Variants in NEK10 observed in about 807,000 individuals in gnomAD.
The protein encoded by NEK10 is NIMA related kinase 10, also known as serine/threonine-protein kinase Nek10.
A neutral mutation model predicts 159.8 loss-of-function variants in NEK10; 122 were observed. That is an observed-to-expected ratio of 0.76 (90% CI 0.66 to 0.89). The LOEUF is 0.89. Ranked by LOEUF, NEK10 falls within the 40% of genes least tolerant of loss-of-function variation. NEK10 has a pLI of 0.00. For synonymous variants in NEK10, 466 were observed against 457.1 expected, an observed-to-expected ratio of 1.02 and a Z score of -0.25; for missense variants, 1,342 against 1,323.1, an observed-to-expected ratio of 1.01 and a Z score of -0.22.
At chr3:27,136,101 CG>C (rs1468961510) in intron 31 of NEK10, among the ~76,000 whole-genome samples, 18,948 of 127,994 alleles carry the variant, frequency 0.15, 1,877 homozygotes, top group African/African-American at 0.18. Flanking sequence ...TCTAGGAGAT[CG>C]ATTTTTTTTT....
chr3:27,142,465 G>C (rs1470070662), intron 30 of NEK10, among the ~76,000 whole-genome samples: 2 of 149,810 alleles, frequency 1.3e-5, no homozygotes, highest in Non-Finnish European at 3.0e-5. Flanking sequence ...CCTTAACCTA[G>C]AGTGTGCTTT....
intron 5 of NEK10, among the ~76,000 whole-genome samples, chr3:27,335,058 G>T (rs573719428): frequency 1.3e-5 from 2 of 152,160 alleles, no homozygotes; most frequent in South Asian, 4.2e-4. Flanking sequence ...AACCAAAGTG[G>T]CTGGGCACGG....
intron 14 of NEK10, among the ~76,000 whole-genome samples, chr3:27,296,160 C>CCTTCCTT (rs2043338946): frequency 6.6e-6 from 1 of 151,442 alleles, no homozygotes; most frequent in Non-Finnish European, 1.5e-5. Flanking sequence ...AAGGAATGAA[C>CCTTCCTT]AAATAATAAT....
rs190668831 is a variant in NEK10 at position 27,284,834 on chromosome 3, G to A, written c.1911+6C>T. ...TAAGAAAAATTTAATGAAGATAAAA[G>A]CATACCTGTATAAATATTTTCCATA... On this transcript the variant is annotated splice_donor_region_variant and intron_variant, in intron 21 of 35. Coordinates refer to ENST00000691995, the MANE Select transcript of NEK10 (RefSeq NM_001394966.1). 2 of 1,579,896 alleles carry A rather than the reference G, an allele frequency of 1.3e-6. No homozygotes were observed. The highest frequency in any genetic ancestry group is 1.7e-6 in the Non-Finnish European group (2 of 1,151,480).
At chr3:27,311,074 C>T (rs1266881444) in intron 8 of NEK10, 58 bp from the exon 9 acceptor site, 2 of 1,062,590 alleles carry the variant, frequency 1.9e-6, no homozygotes, top group Non-Finnish European at 1.5e-6. Flanking sequence ...GGAGTACTTC[C>T]AGGAGCACAG....
rs201428715 is a variant in NEK10 at position 27,291,250 on chromosome 3, G to C, written c.1605+12C>G. 1.2e-6 allele frequency: 2 copies of C among 1,608,748 alleles called. No homozygotes were observed. The highest frequency in any genetic ancestry group is 2.2e-5 in the South Asian group (2 of 89,480). ...TGGGAGTATCAGAAATGTTCCCCAA[G>C]GGGAAAGTCACCTTGTAAACACAGC... On this transcript the variant is annotated intron_variant, in intron 18 of 35. Coordinates refer to ENST00000691995, the MANE Select transcript of NEK10 (RefSeq NM_001394966.1).
intron 25 of NEK10, among the ~76,000 whole-genome samples, chr3:27,200,140 G>A (rs1415685902): frequency 6.6e-6 from 1 of 151,948 alleles, no homozygotes; most frequent in African/African-American, 2.4e-5. Context: ...AAAAAAATAA[G>A]ACTGTAGATT....
chr3:27,245,181 G>A (rs1232317918), intron 23 of NEK10, among the ~76,000 whole-genome samples: 1 of 152,150 alleles, frequency 6.6e-6, no homozygotes, highest in Non-Finnish European at 1.5e-5. Context: ...CGTGCCAACC[G>A]TTAGTGTTTA....
rs2149940335 is a variant in NEK10 at position 27,369,374 on chromosome 3, C to T, written c.-187G>A. The T allele has an allele frequency of 6.5e-6, 1 of 152,858 alleles. No individual in the cohort carries two copies. Among genetic ancestry groups the T allele is most frequent in the South Asian group, 2.1e-4 (1 of 4,828 alleles). The allele number at this position is 152,858 out of a possible 1,614,324, so 9.5% of individuals were successfully genotyped here. On this transcript the variant is annotated 5_prime_UTR_variant, in exon 1 of 36. Coordinates refer to ENST00000691995, the MANE Select transcript of NEK10 (RefSeq NM_001394966.1). The surrounding 1 kb of genome is among the most constrained non-coding windows in gnomAD (Gnocchi z 4.2). ...TTCCCGGTCCCCTCAACCTCAGGGA[C>T]ACCGCGGCCAGCTGCACCGTTGGTT...
intron 23 of NEK10, among the ~76,000 whole-genome samples, chr3:27,210,786 G>A (rs1202337484): frequency 2.0e-5 from 3 of 152,178 alleles, no homozygotes; most frequent in Non-Finnish European, 2.9e-5. Context: ...GGGTGAGGAA[G>A]GAGGAAGTTA....
At chr3:27,367,413 A>T (rs1207836809) in intron 1 of NEK10, 3 of 152,216 alleles carry the variant, frequency 2.0e-5, no homozygotes, top group African/African-American at 7.2e-5. Context: ...CTACCGTGAT[A>T]ATGATTATGG....
chr3:27,305,528 A>G (rs2044172269), intron 11 of NEK10, among the ~76,000 whole-genome samples: 1 of 152,062 alleles, frequency 6.6e-6, no homozygotes, highest in Non-Finnish European at 1.5e-5. Flanking sequence ...TCTGTTTAAA[A>G]AACAAAAACA....
intron 5 of NEK10, among the ~76,000 whole-genome samples, chr3:27,343,774 A>G (rs1323507981): frequency 1.3e-5 from 2 of 152,310 alleles, no homozygotes; most frequent in Middle Eastern, 3.4e-3. Flanking sequence ...TACAGTCCCA[A>G]CACTGCACCT....
At position 27,304,787 on chromosome 3, in the gene NEK10, T is replaced by G; in HGVS notation, c.988A>C (p.Ile330Leu). The change falls in exon 12 of 36, where the codon ATT (isoleucine) becomes CTT (leucine). Residue 330 changes from isoleucine (I) to leucine (L), a missense_variant. Coordinates refer to ENST00000691995, the MANE Select transcript of NEK10 (RefSeq NM_001394966.1). ...AGAAGCTGTTTGATGCCTCCCCAAA[T>G]GCGAATTTCCACGCTGGTCTCAGGG... ...EDPETSVEIR[I>L]WGGIKQLLHI... 6.2e-7 allele frequency: 1 copy of G among 1,613,822 alleles called. No individual in the cohort carries two copies. Among genetic ancestry groups the G allele is most frequent in the South Asian group, 1.1e-5 (1 of 91,076 alleles).
intron 24 of NEK10, 41 bp downstream of exon 24, chr3:27,202,387 T>G: frequency 6.4e-7 from 1 of 1,552,292 alleles, no homozygotes; most frequent in East Asian, 2.3e-5. Flanking sequence ...GAATTGCATT[T>G]TTAGCTACAC....
At chr3:27,210,790 G>T (rs553419109) in intron 23 of NEK10, among the ~76,000 whole-genome samples, 1 of 152,266 alleles carries the variant, frequency 6.6e-6, no homozygotes, top group South Asian at 2.1e-4. Flanking sequence ...GAGGAAGGAG[G>T]AAGTTATCTT....
At chr3:27,308,037 G>A (rs2044376956) in intron 10 of NEK10, 92 bp from the exon 11 acceptor site, 1 of 654,624 alleles carries the variant, frequency 1.5e-6, no homozygotes, top group Non-Finnish European at 2.7e-6. Flanking sequence ...AGAACTGCCT[G>A]AGACTGGGTG....
chr3:27,345,070 A>AC (rs550284148), intron 4 of NEK10, among the ~76,000 whole-genome samples: 1 of 152,236 alleles, frequency 6.6e-6, no homozygotes, highest in Non-Finnish European at 1.5e-5. Context: ...TCACATTGCT[A>AC]CCAAATACAT....
At chr3:27,311,920 A>G (rs1435147298) in intron 8 of NEK10, 179 bp downstream of exon 8, 3 of 561,704 alleles carry the variant, frequency 5.3e-6, no homozygotes, top group Non-Finnish European at 9.6e-6. Context: ...TAATCTAAAC[A>G]TCTTTCTTCT....
Sources: gnomAD v4.1 joint callset for allele counts (sites outside exome capture counted in the v4.1 genomes callset) on GRCh38, gnomAD v4.1.1 for gene constraint, Gnocchi (gnomAD v3.1) non-coding constraint, MANE v1.5 for transcripts, NCBI Gene and HGNC (gene_info 2026-07-23, HGNC 2026-07-21) for gene names.